CDH4: variants seen among roughly 807,000 people sequenced by gnomAD.
CDH4 encodes cadherin-4.
In CDH4, 33 loss-of-function variants were observed where a neutral mutation model predicts 86.0. The ratio of observed to expected loss-of-function variants is 0.38; its 90% CI spans 0.29 to 0.51. CDH4 has a LOEUF of 0.51. CDH4 is among the 20% of genes least tolerant of loss of function. CDH4 has a pLI of 0.86. For missense variants in CDH4, 1,114 were observed against 1,307.4 expected (o/e 0.85, Z 2.28); for synonymous variants, 555 against 549.4 (o/e 1.01, Z -0.14).
At chr20:61,664,658 A>G (rs1322784753) in intron 2 of CDH4, among the ~76,000 whole-genome samples, 2 of 152,246 alleles carry the variant, frequency 1.3e-5, no homozygotes, top group Non-Finnish European at 2.9e-5. Context: ...GTTCAGAGAT[A>G]GAGCCTGGGC....
chr20:61,877,598 G>A (rs557585110), intron 7 of CDH4, among the ~76,000 whole-genome samples: 10 of 152,176 alleles, frequency 6.6e-5, no homozygotes, highest in South Asian at 2.1e-4. Context: ...CATCTCAGGC[G>A]TGGTGTGCTG....
At chr20:61,666,359 G>A (rs879580922) in intron 2 of CDH4, among the ~76,000 whole-genome samples, 14 of 152,224 alleles carry the variant, frequency 9.2e-5, no homozygotes, top group Admixed American at 2.6e-4. Flanking sequence ...ACCAGCTGCT[G>A]CCGGCACAGC....
intron 2 of CDH4, among the ~76,000 whole-genome samples, chr20:61,484,533 G>A (rs544988125): frequency 2.9e-4 from 44 of 152,294 alleles, no homozygotes; most frequent in African/African-American, 9.6e-4. Context: ...CTTGGCTTTG[G>A]TTTCCTTTAT....
At chr20:61,641,367 C>T (rs1048847165) in intron 2 of CDH4, among the ~76,000 whole-genome samples, 6 of 150,868 alleles carry the variant, frequency 4.0e-5, no homozygotes, top group African/African-American at 1.5e-4. Context: ...CTCCCCACAG[C>T]CCACCCCTCC....
chr20:61,479,006 G>GT (rs1173023157), intron 2 of CDH4, among the ~76,000 whole-genome samples: 2 of 151,606 alleles, frequency 1.3e-5, no homozygotes, highest in Non-Finnish European at 2.9e-5. Context: ...CTGAAGGGGT[G>GT]TGTGTTTGTA....
chr20:61,698,638 G>A (rs747146279), intron 2 of CDH4, among the ~76,000 whole-genome samples: 1 of 152,254 alleles, frequency 6.6e-6, no homozygotes, highest in African/African-American at 2.4e-5. Context: ...GCTAGAGCCT[G>A]TCTCCAGCCT....
At chr20:61,671,146 G>T (rs2087383106) in intron 2 of CDH4, among the ~76,000 whole-genome samples, 1 of 151,774 alleles carries the variant, frequency 6.6e-6, no homozygotes, top group African/African-American at 2.4e-5. Context: ...ATGGTTGGGT[G>T]GATGGGTGGG....
intron 2 of CDH4, among the ~76,000 whole-genome samples, chr20:61,315,475 C>T (rs2084471186): frequency 6.6e-6 from 1 of 152,134 alleles, no homozygotes. Flanking sequence ...GAAAGCCCAT[C>T]AGCCCGGCTT....
At chr20:61,736,264 G>C (rs2088261604) in intron 2 of CDH4, among the ~76,000 whole-genome samples, 1 of 152,186 alleles carries the variant, frequency 6.6e-6, no homozygotes, top group African/African-American at 2.4e-5. Flanking sequence ...CAGCTCTCAG[G>C]TCCTGGAATT....
chr20:61,809,862 G>A (rs999421233), intron 4 of CDH4, among the ~76,000 whole-genome samples: 3 of 152,188 alleles, frequency 2.0e-5, no homozygotes, highest in Non-Finnish European at 4.4e-5. Flanking sequence ...GGAGCACAGC[G>A]GGGGGTGGGG....
At position 61,254,895 on chromosome 20, in the gene CDH4, T is replaced by C. The variant is rs745534390; in HGVS notation, c.127T>C (p.Leu43=). ...GTTCTCTGAAGATGATTACACGGCA[T>C]TAATCTCCCAAAATATTCTAGAAGG... ...AGFSEDDYTA[L]ISQNILEGEK... is the part of the protein sequence containing the mutation. The change falls in exon 2 of 16, where the codon TTA becomes CTA. Residue 43 remains leucine (L), a synonymous_variant. Coordinates refer to ENST00000614565, the MANE Select transcript of CDH4 (RefSeq NM_001794.5). 6 of 1,613,232 alleles carry C rather than the reference T, an allele frequency of 3.7e-6. No homozygotes were observed. The African/African-American group carries it at 8.0e-5, about 22-fold the overall frequency.
At chr20:61,499,434 G>A (rs1371900660) in intron 2 of CDH4, 1 of 1,288,692 alleles carries the variant, frequency 7.8e-7, no homozygotes, top group African/African-American at 1.5e-5. Context: ...ACAAGGATTC[G>A]ATGAACGGCA....
chr20:61,883,271 G>A (rs1158195297), intron 7 of CDH4, among the ~76,000 whole-genome samples: 1 of 152,114 alleles, frequency 6.6e-6, no homozygotes, highest in Admixed American at 6.5e-5. Flanking sequence ...CTCCTGCTGT[G>A]TTTTCTACAC....
chr20:61,455,712 A>C, intron 2 of CDH4, among the ~76,000 whole-genome samples: 1 of 152,024 alleles, frequency 6.6e-6, no homozygotes, highest in East Asian at 1.9e-4. Context: ...GAAAAACCCA[A>C]ATGTACCTCT....
intron 2 of CDH4, among the ~76,000 whole-genome samples, chr20:61,690,946 C>A (rs967206286): frequency 1.3e-5 from 2 of 152,196 alleles, no homozygotes; most frequent in African/African-American, 4.8e-5. Context: ...CCTTGCAGAC[C>A]CCCCGCCCCA....
In CDH4 at chr20:61,816,863, G is replaced by A. The variant is rs528567978; in HGVS notation, c.577-27805G>A. On this transcript the variant is annotated intron_variant, in intron 4 of 15. Transcript: ENST00000614565. Reference sequence around the variant, plus strand: ...CGCCCGCATCCCCATCCCCCTGCCCGGTGGGGACGCTCAGGGGTCATTTAT... The same window carrying A: ...CGCCCGCATCCCCATCCCCCTGCCCAGTGGGGACGCTCAGGGGTCATTTAT... 4.6e-5 allele frequency among the ~76,000 whole-genome samples: 7 copies of A among 152,254 alleles called. No individual in the cohort carries two copies. In the South Asian group the frequency reaches 6.3e-4, roughly 14 times the overall value.
chr20:61,301,251 G>A (rs73319112), intron 2 of CDH4, among the ~76,000 whole-genome samples: 1 of 152,242 alleles, frequency 6.6e-6, no homozygotes, highest in Admixed American at 6.5e-5. Context: ...GTAAATGCCT[G>A]AGGGCTGCTG....
chr20:61,693,125 A>G (rs2087677565), intron 2 of CDH4, among the ~76,000 whole-genome samples: 1 of 152,186 alleles, frequency 6.6e-6, no homozygotes, highest in African/African-American at 2.4e-5. Flanking sequence ...CCTGGTGACA[A>G]TCAGAGAGGC....
In CDH4 at chr20:61,565,306, CTTGGTGGTGGCGGTG is replaced by C. The variant is rs2086279936; in HGVS notation, c.170-178256_170-178242del. 1.0e-4 allele frequency among the ~76,000 whole-genome samples: 4 copies of C among 39,796 alleles called. 1 individual carries two copies. Among genetic ancestry groups the C allele is most frequent in the Non-Finnish European group, 2.0e-4 (4 of 20,254 alleles). The allele number at this position is 39,796 out of a possible 152,430, so 26.1% of individuals were successfully genotyped here. ...ATGGGGTGATGGTGGTGGCGGTGCTCTTGGTGGTGGCGGTGCTCTTGGTGATGGTGGTAGTGGTCC... is the reference window on the plus strand; with the variant it reads ...ATGGGGTGATGGTGGTGGCGGTGCTCCTCTTGGTGATGGTGGTAGTGGTCC... On this transcript the variant is annotated intron_variant, in intron 2 of 15. Coordinates refer to ENST00000614565, the MANE Select transcript of CDH4 (RefSeq NM_001794.5).
Sources: allele counts gnomAD v4.1 joint callset (sites outside exome capture counted in the v4.1 genomes callset), GRCh38; gene constraint gnomAD v4.1.1; transcripts MANE v1.5; gene names NCBI Gene and HGNC (gene_info 2026-07-23, HGNC 2026-07-21).